Variants in NFIX observed in about 807,000 individuals in gnomAD.
The protein encoded by NFIX is nuclear factor 1 X-type.
A neutral mutation model predicts 53.3 loss-of-function variants in NFIX; 2 were observed. The observed-to-expected ratio is 0.04, with a 90% confidence interval of 0.02 to 0.12. The LOEUF is 0.12. Ranked by LOEUF, NFIX falls within the 10% of genes least tolerant of loss-of-function variation. The probability of loss-of-function intolerance (pLI) is 1.00; values close to 1 mark genes in which losing one functional copy is unlikely to be tolerated. For synonymous variants in NFIX, 244 were observed against 289.0 expected, an observed-to-expected ratio of 0.84 and a Z score of 1.58; for missense variants, 310 against 674.5, an observed-to-expected ratio of 0.46 and a Z score of 5.99.
rs1192862710 is a variant in NFIX, at chr19:13,073,847, A to G, written c.698-59A>G. On this transcript the variant is annotated intron_variant, in intron 4 of 10. Coordinates refer to ENST00000592199, the MANE Select transcript of NFIX (RefSeq NM_001365902.3). The surrounding 1 kb of genome is among the most constrained non-coding windows in gnomAD (Gnocchi z 4.5). ...CTGGGAAGCTGTTCATGACAAAGAA[A>G]CAGACCCCATCAGGCCTCCCCCCAC... The G allele has an allele frequency of 1.9e-6, 3 of 1,610,862 alleles. No individual in the cohort carries two copies. The highest frequency in any genetic ancestry group is 2.5e-6 in the Non-Finnish European group (3 of 1,178,102).
In NFIX at chr19:12,998,285, C is replaced by G. The variant is rs1017395813; in HGVS notation, c.27+2421C>G. ...CCCCCCTCCACTGGCGTCTCGGACT[C>G]TCTCTCTCTCTGTCTCTCTGGCCTG... On this transcript the variant is annotated intron_variant, in intron 1 of 10. Coordinates refer to ENST00000592199, the MANE Select transcript of NFIX (RefSeq NM_001365902.3). The surrounding 1 kb of genome is among the most constrained non-coding windows in gnomAD (Gnocchi z 4.4). Among the ~76,000 whole-genome samples the G allele has an allele frequency of 2.0e-5, 3 of 151,394 alleles. No homozygotes were observed. The highest frequency in any genetic ancestry group is 4.4e-5 in the Non-Finnish European group (3 of 67,776).
intron 2 of NFIX, among the ~76,000 whole-genome samples, chr19:13,065,595 T>C (rs1394720285): frequency 6.6e-6 from 1 of 152,148 alleles, no homozygotes; most frequent in Non-Finnish European, 1.5e-5. Context: ...GGAGTGGCCA[T>C]TGGCAGGTGG....
chr19:13,035,091 GA>G (rs2014089712), intron 2 of NFIX, among the ~76,000 whole-genome samples: 1 of 152,162 alleles, frequency 6.6e-6, no homozygotes, highest in Non-Finnish European at 1.5e-5. Context: ...AGTTCCCTGG[GA>G]ACAGAATCAT....
rs1005383703 is a variant in NFIX, at chr19:13,067,463, CGTGTGTGTGTGTGTGTGTGCGTGT to C, written c.560-5565_560-5542del. On this transcript the variant is annotated intron_variant, in intron 2 of 10. Transcript: ENST00000592199. The surrounding 1 kb of genome is among the most constrained non-coding windows in gnomAD (Gnocchi z 4.2). ...AGTGGCACCTCCGTGTGTGTGCGCG[CGTGTGTGTGTGTGTGTGTGCGTGT>C]GTGTGTGTGTGTGTGTGTATGTGTG... Among the ~76,000 whole-genome samples, 4 of 130,998 alleles carry C rather than the reference CGTGTGTGTGTGTGTGTGTGCGTGT, an allele frequency of 3.1e-5. No homozygotes were observed. The highest frequency in any genetic ancestry group is 9.0e-5 in the African/African-American group (3 of 33,320). The allele number at this position is 130,998 out of a possible 152,430, so 85.9% of individuals were successfully genotyped here.
In NFIX at chr19:13,049,276, A is replaced by G. The variant is rs1264164459; in HGVS notation, c.559+23724A>G. On this transcript the variant is annotated intron_variant, in intron 2 of 10. Transcript: ENST00000592199. The surrounding 1 kb of genome is among the most constrained non-coding windows in gnomAD (Gnocchi z 4.5). Reference sequence around the variant, plus strand: ...CCTCTAAAAAAAATAAAAAATAAAAAAATAAACTAAAAATTAAGCATAGGA... The same window carrying G: ...CCTCTAAAAAAAATAAAAAATAAAAGAATAAACTAAAAATTAAGCATAGGA... Among the ~76,000 whole-genome samples, 1 of 152,154 alleles carries G rather than the reference A, an allele frequency of 6.6e-6. No individual in the cohort carries two copies. The highest frequency in any genetic ancestry group is 6.5e-5 in the Admixed American group (1 of 15,268).
chr19:13,094,662 A>C lies in NFIX; in HGVS notation c.*13A>C. 6.5e-7 allele frequency: 1 copy of C among 1,535,924 alleles called. No homozygotes were observed. The highest frequency in any genetic ancestry group is 8.7e-7 in the Non-Finnish European group (1 of 1,146,594). On this transcript the variant is annotated 3_prime_UTR_variant, in exon 11 of 11. Coordinates refer to ENST00000592199, the MANE Select transcript of NFIX (RefSeq NM_001365902.3). This position sits in a 1 kb window ranked among gnomAD's most constrained non-coding sequence, Gnocchi z 4.3. Reference sequence around the variant, plus strand: ...CTGGTTCCTCTGATAAGATCGACAAAAGAAACAACAAAATGAGAAGAAGAG... The same window carrying C: ...CTGGTTCCTCTGATAAGATCGACAACAGAAACAACAAAATGAGAAGAAGAG...
chr19:13,007,194 G>A (rs1040773788), intron 1 of NFIX, among the ~76,000 whole-genome samples: 2 of 150,554 alleles, frequency 1.3e-5, no homozygotes, highest in Non-Finnish European at 3.0e-5. Context: ...CCCCATAGGC[G>A]CCAACCTCAC....
At chr19:13,000,791 A>G (rs1229670283) in intron 1 of NFIX, among the ~76,000 whole-genome samples, 1 of 152,232 alleles carries the variant, frequency 6.6e-6, no homozygotes, top group East Asian at 1.9e-4. Flanking sequence ...GAGACAGGAC[A>G]TATGTGCAGG....
chr19:13,010,295 G>T (rs995895181), intron 1 of NFIX, among the ~76,000 whole-genome samples: 2 of 152,226 alleles, frequency 1.3e-5, no homozygotes, highest in Non-Finnish European at 2.9e-5. Flanking sequence ...CTCCCAAGGC[G>T]TGCGCAAGCA....
rs1290810361 is a variant in NFIX, at chr19:13,005,485, A to G, written c.27+9621A>G. On this transcript the variant is annotated intron_variant, in intron 1 of 10. Transcript: ENST00000592199. The surrounding 1 kb of genome is among the most constrained non-coding windows in gnomAD (Gnocchi z 4.7). Reference sequence around the variant, plus strand: ...AAGTTGCTTAACCTCTCTGGGTCTCAATTTCTGTATCTAGGAAGCAGGGCT... The same window carrying G: ...AAGTTGCTTAACCTCTCTGGGTCTCGATTTCTGTATCTAGGAAGCAGGGCT... Among the ~76,000 whole-genome samples the G allele has an allele frequency of 3.9e-5, 6 of 152,016 alleles. No individual in the cohort carries two copies.
chr19:13,067,791 T>G lies in NFIX; in HGVS notation c.560-5256T>G, dbSNP rs1431819567. 6.6e-6 allele frequency among the ~76,000 whole-genome samples: 1 copy of G among 151,574 alleles called. No individual in the cohort carries two copies. The highest frequency in any genetic ancestry group is 6.6e-5 in the Admixed American group (1 of 15,232). ...CCATAACTACCTCCCCATCTGTAGG[T>G]GGAAAATATATATATATATATTAAA... On this transcript the variant is annotated intron_variant, in intron 2 of 10. Coordinates refer to ENST00000592199, the MANE Select transcript of NFIX (RefSeq NM_001365902.3). This position sits in a 1 kb window ranked among gnomAD's most constrained non-coding sequence, Gnocchi z 4.2.
At chr19:13,008,603 CTCT>C (rs1007222634) in intron 1 of NFIX, among the ~76,000 whole-genome samples, 4 of 152,212 alleles carry the variant, frequency 2.6e-5, no homozygotes, top group Non-Finnish European at 5.9e-5. Context: ...CCCCACATCC[CTCT>C]TCTTCTTTCT....
chr19:13,090,725 T>G lies in NFIX; in HGVS notation c.1494+335T>G, dbSNP rs1326253309. On this transcript the variant is annotated intron_variant, in intron 10 of 10. Transcript: ENST00000592199. This position sits in a 1 kb window ranked among gnomAD's most constrained non-coding sequence, Gnocchi z 6.6. ...GAGGCCCATCGGGAGGAGAATAGAG[T>G]CTGCCTCACTGCTTTCACCTGCCCC... Among the ~76,000 whole-genome samples, 11 of 151,634 alleles carry G rather than the reference T, an allele frequency of 7.3e-5. No individual in the cohort carries two copies. The highest frequency in any genetic ancestry group is 1.5e-5 in the Non-Finnish European group (1 of 67,902).
chr19:13,049,592 T>C lies in NFIX; in HGVS notation c.560-23455T>C, dbSNP rs1425745104. Among the ~76,000 whole-genome samples, 1 of 69,886 alleles carries C rather than the reference T, an allele frequency of 1.4e-5. No homozygotes were observed. Among genetic ancestry groups the C allele is most frequent in the African/African-American group, 6.3e-5 (1 of 15,832 alleles). 45.8% of individuals were successfully genotyped at this position (69,886 alleles called of 152,430 possible). On this transcript the variant is annotated intron_variant, in intron 2 of 10. Coordinates refer to ENST00000592199, the MANE Select transcript of NFIX (RefSeq NM_001365902.3). This position sits in a 1 kb window ranked among gnomAD's most constrained non-coding sequence, Gnocchi z 4.5. ...ATGTTGTAGCAGCAAGTGTCAGTGG[T>C]TCCTTTTTTTTTTTTTTTTGAGACA... is the stretch of plus-strand genomic sequence containing the variant.
chr19:13,026,383 A>G (rs550697511), intron 2 of NFIX, among the ~76,000 whole-genome samples: 1 of 151,868 alleles, frequency 6.6e-6, no homozygotes, highest in Admixed American at 6.6e-5. Flanking sequence ...AACAAACCAA[A>G]AAAAAAAAAA....
chr19:13,078,760 G>C lies in NFIX; in HGVS notation c.1078+25G>C. 6.3e-7 allele frequency: 1 copy of C among 1,579,082 alleles called. No homozygotes were observed. The highest frequency in any genetic ancestry group is 2.3e-5 in the East Asian group (1 of 43,754). ...GGTGAGAAATGGGGGGCCCCGGAGG[G>C]GGGCAGTTGGGGAGGTGGCTGAGTA... On this transcript the variant is annotated intron_variant, in intron 7 of 10. Transcript: ENST00000592199. The surrounding 1 kb of genome is among the most constrained non-coding windows in gnomAD (Gnocchi z 4.7).
intron 2 of NFIX, among the ~76,000 whole-genome samples, chr19:13,048,970 G>A (rs1169187763): frequency 6.6e-6 from 1 of 152,102 alleles, no homozygotes; most frequent in African/African-American, 2.4e-5. Flanking sequence ...CCAGCTACTC[G>A]GGAGGCTGAG....
rs924508949 is a variant in NFIX at position 13,088,303 on chromosome 19, C to T, written c.1402+167C>T. 7.2e-5 allele frequency among the ~76,000 whole-genome samples: 11 copies of T among 152,128 alleles called. No homozygotes were observed. The highest frequency in any genetic ancestry group is 1.5e-4 in the Non-Finnish European group (10 of 67,978). ...AGCCCCCCAACCACAGCCTCCCTCC[C>T]GGGCCTCAGTCGCACCAGCCAGCAC... is the stretch of plus-strand genomic sequence containing the variant. On this transcript the variant is annotated intron_variant, in intron 9 of 10. Coordinates refer to ENST00000592199, the MANE Select transcript of NFIX (RefSeq NM_001365902.3). This position sits in a 1 kb window ranked among gnomAD's most constrained non-coding sequence, Gnocchi z 5.9.
chr19:13,077,853 C>G lies in NFIX; in HGVS notation c.956-760C>G, dbSNP rs10401249. ...GAGATGAATTTCTAAAGACAGACTT[C>G]AAACAAGGTGTTCTCTGTGCCCTTG... is the stretch of plus-strand genomic sequence containing the variant. On this transcript the variant is annotated intron_variant, in intron 6 of 10. Transcript: ENST00000592199. Among the ~76,000 whole-genome samples, 717 of 152,336 alleles carry G rather than the reference C, an allele frequency of 4.7e-3. 8 individuals are homozygous for G. The highest frequency in any genetic ancestry group is 0.017 in the African/African-American group (699 of 41,570).
Sources: allele counts gnomAD v4.1 joint callset (sites outside exome capture counted in the v4.1 genomes callset), GRCh38; gene constraint gnomAD v4.1.1; non-coding constraint Gnocchi (gnomAD v3.1); transcripts MANE v1.5; gene names NCBI Gene and HGNC (gene_info 2026-07-23, HGNC 2026-07-21).